CD38: variants seen among roughly 807,000 people sequenced by gnomAD.
CD38 encodes ADP-ribosyl cyclase/cyclic ADP-ribose hydrolase 1.
Under a neutral mutation model 36.3 loss-of-function variants are expected in CD38, and 31 were observed. The ratio of observed to expected loss-of-function variants is 0.85; its 90% CI spans 0.64 to 1.15. The LOEUF (loss-of-function observed/expected upper bound fraction) is 1.15, where lower values mean the gene tolerates loss of function less well. Ranked by LOEUF, CD38 falls within the 50% of genes most tolerant of loss-of-function variation. The pLI is 0.00. For missense variants in CD38, 380 were observed against 371.9 expected, an observed-to-expected ratio of 1.02 and a Z score of -0.18; for synonymous variants, 131 against 135.2, an observed-to-expected ratio of 0.97 and a Z score of 0.22.
At chr4:15,830,831 G>C (rs1047415935) in intron 3 of CD38, among the ~76,000 whole-genome samples, 1 of 152,100 alleles carries the variant, frequency 6.6e-6, no homozygotes, top group African/African-American at 2.4e-5. Flanking sequence ...GAGCCACTCT[G>C]TGCCTTCTGA....
chr4:15,836,777 C>T (rs1724076665), intron 4 of CD38, among the ~76,000 whole-genome samples: 1 of 152,154 alleles, frequency 6.6e-6, no homozygotes, highest in African/African-American at 2.4e-5. Flanking sequence ...TAGGGGGATT[C>T]ATGTAAACCC....
intron 1 of CD38, among the ~76,000 whole-genome samples, chr4:15,807,589 A>G (rs1332696234): frequency 1.3e-5 from 2 of 152,124 alleles, no homozygotes; most frequent in South Asian, 2.1e-4. Flanking sequence ...ACATCTCCAC[A>G]TACAATACAG....
intron 4 of CD38, 22 bp downstream of exon 4, chr4:15,834,324 T>G (rs1174032030): frequency 6.7e-7 from 1 of 1,492,286 alleles, no homozygotes. Context: ...GTAGTGAAAT[T>G]CTAGAGCTTT....
At chr4:15,788,073 GTCT>G (rs1427616550) in intron 1 of CD38, among the ~76,000 whole-genome samples, 1 of 152,168 alleles carries the variant, frequency 6.6e-6, no homozygotes, top group African/African-American at 2.4e-5. Flanking sequence ...CTTTCAAAAG[GTCT>G]TCTTCTTTCC....
At chr4:15,792,016 G>A (rs1723009284) in intron 1 of CD38, among the ~76,000 whole-genome samples, 1 of 60,260 alleles carries the variant, frequency 1.7e-5, no homozygotes, top group African/African-American at 2.0e-4. Context: ...TGAGAAATCG[G>A]ATGGTTGCCG....
chr4:15,826,525 T>C (rs988333629), intron 3 of CD38, among the ~76,000 whole-genome samples: 4 of 151,880 alleles, frequency 2.6e-5, no homozygotes, highest in Admixed American at 6.6e-5. Flanking sequence ...TAAATTTTTA[T>C]AAATGAAACT....
chr4:15,784,605 A>G (rs949771284), intron 1 of CD38, among the ~76,000 whole-genome samples: 2 of 152,258 alleles, frequency 1.3e-5, no homozygotes, highest in East Asian at 3.9e-4. Context: ...TTTCCCCTGG[A>G]GTGATGGAAT....
rs1722601517 is a variant in CD38, at chr4:15,778,397, A to T, written c.-18A>T. ...CTGCCGGCCTCATCTTCGCCCAGCCAACCCCGCCTGGAGCCCTATGGCCAA... is the reference window on the plus strand; with the variant it reads ...CTGCCGGCCTCATCTTCGCCCAGCCTACCCCGCCTGGAGCCCTATGGCCAA... On this transcript the variant is annotated 5_prime_UTR_variant, in exon 1 of 8. Transcript: ENST00000226279. The surrounding 1 kb of genome is among the most constrained non-coding windows in gnomAD (Gnocchi z 4.9). 2 of 1,592,794 alleles carry T rather than the reference A, an allele frequency of 1.3e-6. No individual in the cohort carries two copies. The highest frequency in any genetic ancestry group is 1.3e-5 in the African/African-American group (1 of 74,486).
At chr4:15,787,853 C>G (rs969567670) in intron 1 of CD38, among the ~76,000 whole-genome samples, 2 of 152,172 alleles carry the variant, frequency 1.3e-5, no homozygotes, top group African/African-American at 2.4e-5. Flanking sequence ...CTGGAGCCAA[C>G]GCAGTCTGTG....
rs1464941831 is a variant in CD38, at chr4:15,840,048, C to CAT, written c.684_685dup (p.Asn229IlefsTer11). 2 of 1,613,382 alleles carry CAT rather than the reference C, an allele frequency of 1.2e-6. No homozygotes were observed. Among genetic ancestry groups the CAT allele is most frequent in the South Asian group, 2.2e-5 (2 of 91,060 alleles). On this transcript the variant is annotated frameshift_variant, in exon 6 of 8. Transcript: ENST00000226279. LOFTEE classifies it high-confidence loss of function. The stretch of plus-strand genomic sequence containing the variant: ...TAGCACTTTTGGGAGTGTGGAAGTC[C>CAT]ATAATTTGCAACCAGAGAAGGTTCA...
At chr4:15,817,521 G>A (rs971482478) in intron 2 of CD38, among the ~76,000 whole-genome samples, 4 of 152,206 alleles carry the variant, frequency 2.6e-5, no homozygotes, top group Admixed American at 1.3e-4. Flanking sequence ...GTGACTATGC[G>A]ATGGATAGTA....
At chr4:15,782,946 G>C (rs1007554857) in intron 1 of CD38, among the ~76,000 whole-genome samples, 1 of 152,148 alleles carries the variant, frequency 6.6e-6, no homozygotes, top group Non-Finnish European at 1.5e-5. Context: ...CTCACTTTCT[G>C]CAAGTTTTTT....
At chr4:15,802,222 A>C (rs1330370864) in intron 1 of CD38, among the ~76,000 whole-genome samples, 1 of 152,182 alleles carries the variant, frequency 6.6e-6, no homozygotes, top group Non-Finnish European at 1.5e-5. Context: ...CTAGGAGTAA[A>C]TTTAACCAAA....
chr4:15,783,022 A>G (rs1447349383), intron 1 of CD38, among the ~76,000 whole-genome samples: 1 of 152,256 alleles, frequency 6.6e-6, no homozygotes. Flanking sequence ...GAGTTGAACC[A>G]GGGGCATTAC....
At chr4:15,782,029 C>T (rs1046757410) in intron 1 of CD38, among the ~76,000 whole-genome samples, 1 of 152,198 alleles carries the variant, frequency 6.6e-6, no homozygotes, top group Non-Finnish European at 1.5e-5. Flanking sequence ...TCCCACTTAA[C>T]ACGATGGCTC....
intron 2 of CD38, among the ~76,000 whole-genome samples, chr4:15,820,871 A>G (rs1342469739): frequency 1.3e-5 from 2 of 152,220 alleles, no homozygotes; most frequent in African/African-American, 4.8e-5. Flanking sequence ...TCCATGCCAA[A>G]GCAACAGAAT....
chr4:15,796,935 A>T (rs1189511698), intron 1 of CD38, among the ~76,000 whole-genome samples: 2 of 152,198 alleles, frequency 1.3e-5, no homozygotes, highest in Non-Finnish European at 2.9e-5. Context: ...CTGCAATGAA[A>T]TCCTTCTGTA....
rs1231995565 is a variant in CD38 at position 15,850,182 on chromosome 4, C to T, written c.*1580C>T. The stretch of plus-strand genomic sequence containing the variant: ...GGTATGGTGTTGTGCACCTGTAGTC[C>T]CAGCTACTCTGGAGACTGAGGTGGG... On this transcript the variant is annotated 3_prime_UTR_variant, in exon 8 of 8. Coordinates refer to ENST00000226279, the MANE Select transcript of CD38 (RefSeq NM_001775.4). The T allele has an allele frequency of 1.3e-5, 2 of 152,064 alleles. No homozygotes were observed. The highest frequency in any genetic ancestry group is 4.8e-5 in the African/African-American group (2 of 41,362). 9.4% of individuals were successfully genotyped at this position (152,064 alleles called of 1,614,324 possible). A position where few individuals can be genotyped will look rare whatever the true frequency, so the allele number is the denominator to read the frequency against.
At chr4:15,791,650 C>A (rs1722994960) in intron 1 of CD38, among the ~76,000 whole-genome samples, 1 of 101,098 alleles carries the variant, frequency 9.9e-6, no homozygotes, top group African/African-American at 6.1e-5. Context: ...CCTGCCCGGC[C>A]AGCCGCCCCG....
Sources: gnomAD v4.1 joint callset for allele counts (sites outside exome capture counted in the v4.1 genomes callset) on GRCh38, gnomAD v4.1.1 for gene constraint, Gnocchi (gnomAD v3.1) non-coding constraint, MANE v1.5 for transcripts, NCBI Gene and HGNC (gene_info 2026-07-23, HGNC 2026-07-21) for gene names.